The following TFAP2D variants were observed in gnomAD, a reference collection of about 807,000 sequenced individuals.
The protein encoded by TFAP2D is transcription factor AP-2 delta.
In TFAP2D, 9 loss-of-function variants were observed where a neutral mutation model predicts 43.6. The observed-to-expected ratio is 0.21, with a 90% CI of 0.12 to 0.36. The LOEUF is 0.36. Among genes scored for constraint, TFAP2D ranks in the 10% least tolerant of loss-of-function variants. TFAP2D has a pLI of 1.00. For synonymous variants in TFAP2D, 256 were observed against 224.9 expected (o/e 1.14, Z -1.24); for missense variants, 513 against 561.4 (o/e 0.91, Z 0.87).
chr6:50,745,382 T>C (rs1222253439), intron 6 of TFAP2D, 134 bp downstream of exon 6: 1 of 1,285,664 alleles, frequency 7.8e-7, no homozygotes, highest in East Asian at 2.5e-5. Context: ...AGCAGCTAGA[T>C]ATATTAAACA....
intron 3 of TFAP2D, 85 bp downstream of exon 3, chr6:50,719,235 T>A: frequency 7.4e-7 from 1 of 1,359,882 alleles, no homozygotes; most frequent in Non-Finnish European, 1.0e-6. Flanking sequence ...GTGCTCAGAT[T>A]CCTTTTCTGA....
intron 4 of TFAP2D, 31 bp from the exon 5 acceptor site, chr6:50,729,163 C>T: frequency 6.2e-7 from 1 of 1,609,726 alleles, no homozygotes. Flanking sequence ...TGTGAAATTT[C>T]AAAACCTAGT....
intron 5 of TFAP2D, 115 bp downstream of exon 5, chr6:50,729,427 C>A: frequency 1.3e-6 from 1 of 787,406 alleles, no homozygotes; most frequent in Middle Eastern, 2.4e-4. Context: ...AGTCAGTTAA[C>A]AGTTAAGGTA....
intron 1 of TFAP2D, 92 bp downstream of exon 1, chr6:50,714,186 C>T (rs1000315941): frequency 1.5e-6 from 2 of 1,300,524 alleles, no homozygotes; most frequent in African/African-American, 1.5e-5. Context: ...TGGCAGCCTC[C>T]CCTGTCTCTA....
At chr6:50,730,062 G>A (rs1382200551) in intron 5 of TFAP2D, among the ~76,000 whole-genome samples, 1 of 151,914 alleles carries the variant, frequency 6.6e-6, no homozygotes, top group Non-Finnish European at 1.5e-5. Context: ...TTCATCATGT[G>A]GAATGCTATT....
chr6:50,761,828 A>G (rs1769367854), intron 7 of TFAP2D, among the ~76,000 whole-genome samples: 2 of 152,106 alleles, frequency 1.3e-5, no homozygotes, highest in Admixed American at 6.6e-5. Flanking sequence ...TTCCTCTAAC[A>G]TTCAGATTCC....
At chr6:50,739,062 C>T (rs919002856) in intron 5 of TFAP2D, among the ~76,000 whole-genome samples, 5 of 152,254 alleles carry the variant, frequency 3.3e-5, no homozygotes, top group South Asian at 2.1e-4. Context: ...TTAATTGATA[C>T]GGGGTGAAAC....
Position 50,772,769 on chromosome 6 carries a change from G to T in TFAP2D, c.1264G>T (p.Asp422Tyr). 6.2e-7 allele frequency: 1 copy of T among 1,614,114 alleles called. No individual in the cohort carries two copies. The highest frequency in any genetic ancestry group is 8.5e-7 in the Non-Finnish European group (1 of 1,180,012). The part of the protein sequence containing the change: ...HTTHKNGGAA[D>Y]SGQGHANSEK... ...TACTCACAAGAACGGCGGAGCGGCG[G>T]ATTCTGGCCAAGGACATGCCAACTC... Residue 422 changes from aspartate to tyrosine, a missense_variant, in exon 8 of 8, where the codon GAT (aspartate) becomes TAT (tyrosine). Physicochemically the swap from Asp to Tyr is radical, Grantham distance 160. Around this residue, in one of 3 missense-constraint regions of TFAP2D, gnomAD observed 199 missense variants for 227.9 expected, o/e 0.87. Coordinates refer to ENST00000008391, the MANE Select transcript of TFAP2D (RefSeq NM_172238.4).
At position 50,715,325 on chromosome 6, in the gene TFAP2D, G is replaced by A. The variant is rs906099112; in HGVS notation, c.249G>A (p.Pro83=). 4 of 1,613,980 alleles carry A rather than the reference G, an allele frequency of 2.5e-6. No individual in the cohort carries two copies. The highest frequency in any genetic ancestry group is 3.4e-6 in the Non-Finnish European group (4 of 1,179,982). ...ATTACGAGTTTCAGCACAGCCACCC[G>A]GCCGTCACCCCCGACGCCTACTCTC... is the stretch of plus-strand genomic sequence containing the variant. ...SFHYEFQHSH[P]AVTPDAYSLN... The change falls in exon 2 of 8, where the codon CCG becomes CCA. Residue 83 remains proline (P), a synonymous_variant. Coordinates refer to ENST00000008391, the MANE Select transcript of TFAP2D (RefSeq NM_172238.4).
At chr6:50,724,252 C>T (rs1768773147) in intron 3 of TFAP2D, among the ~76,000 whole-genome samples, 1 of 151,980 alleles carries the variant, frequency 6.6e-6, no homozygotes, top group Admixed American at 6.6e-5. Flanking sequence ...ACAGGAAACT[C>T]TTGTAATCGC....
rs1182431927 is a variant in TFAP2D at position 50,747,744 on chromosome 6, T to A, written c.1025+2496T>A. On this transcript the variant is annotated intron_variant, in intron 6 of 7. Coordinates refer to ENST00000008391, the MANE Select transcript of TFAP2D (RefSeq NM_172238.4). Reference sequence around the variant, plus strand: ...ATGCTAGAAGAATTTGCGGGAGAAATGCTAGAAGAAATGCATCCATATTTG... The same window carrying A: ...ATGCTAGAAGAATTTGCGGGAGAAAAGCTAGAAGAAATGCATCCATATTTG... Among the ~76,000 whole-genome samples, 7 of 152,196 alleles carry A rather than the reference T, an allele frequency of 4.6e-5. No individual in the cohort carries two copies. The East Asian group carries it at 1.4e-3, about 29-fold the overall frequency.
chr6:50,715,445 G>A lies in TFAP2D; in HGVS notation c.369G>A (p.Lys123=), dbSNP rs774881001. The part of the protein sequence containing the change: ...FINLHNARAL[K]SSCLDEQRRE... ...ACCTGCACAATGCGCGGGCGCTCAA[G>A]TCGTCCTGCCTGGACGAGCAGAGGC... The change falls in exon 2 of 8, where the codon AAG becomes AAA. Residue 123 remains lysine (K), a synonymous_variant. Transcript: ENST00000008391. 1.1e-5 allele frequency: 18 copies of A among 1,614,048 alleles called. No homozygotes were observed. The African/African-American group carries it at 2.4e-4, about 22-fold the overall frequency.
chr6:50,716,118 C>T (rs1768624213), intron 2 of TFAP2D, among the ~76,000 whole-genome samples: 1 of 152,104 alleles, frequency 6.6e-6, no homozygotes, highest in Non-Finnish European at 1.5e-5. Flanking sequence ...TTACTACAAA[C>T]AGGCTTGTTC....
intron 5 of TFAP2D, among the ~76,000 whole-genome samples, chr6:50,737,135 C>G (rs1265580021): frequency 6.6e-6 from 1 of 152,050 alleles, no homozygotes; most frequent in Non-Finnish European, 1.5e-5. Flanking sequence ...CACATGCCAC[C>G]ATGCTTGGCT....
At chr6:50,746,269 C>T (rs529950023) in intron 6 of TFAP2D, among the ~76,000 whole-genome samples, 68 of 152,120 alleles carry the variant, frequency 4.5e-4, no homozygotes, top group African/African-American at 1.6e-3. Flanking sequence ...CAGAGTCTCA[C>T]TCTGTCACCC....
chr6:50,771,211 T>C (rs1452126275), intron 7 of TFAP2D, among the ~76,000 whole-genome samples: 1 of 152,216 alleles, frequency 6.6e-6, no homozygotes, highest in Non-Finnish European at 1.5e-5. Flanking sequence ...AAGACAGGGT[T>C]TTATTTCTCT....
chr6:50,751,758 T>C (rs1769203710), intron 7 of TFAP2D, among the ~76,000 whole-genome samples: 1 of 151,936 alleles, frequency 6.6e-6, no homozygotes, highest in Admixed American at 6.6e-5. Context: ...TATATGAATT[T>C]GGAGTGGGGT....
intron 3 of TFAP2D, among the ~76,000 whole-genome samples, chr6:50,720,486 AACACACACACACACACAC>A (rs59484837): frequency 0.081 from 11,315 of 139,144 alleles, 530 homozygotes; most frequent in Non-Finnish European, 0.12. Flanking sequence ...TGGAGATTAA[AACACACACACACACACAC>A]ACACACACAC....
At chr6:50,760,384 A>G (rs916802005) in intron 7 of TFAP2D, among the ~76,000 whole-genome samples, 2 of 152,004 alleles carry the variant, frequency 1.3e-5, no homozygotes, top group African/African-American at 2.4e-5. Flanking sequence ...TTCATCCCAA[A>G]CCAATTAAAT....
Sources: gnomAD v4.1 joint callset for allele counts (sites outside exome capture counted in the v4.1 genomes callset) on GRCh38, gnomAD v4.1.1 for gene constraint, gnomAD v4.1.1 regional missense constraint, MANE v1.5 for transcripts, NCBI Gene and HGNC (gene_info 2026-07-23, HGNC 2026-07-21) for gene names.